Variants in PKIB observed in about 807,000 individuals in gnomAD.
PKIB encodes the protein cAMP-dependent protein kinase inhibitor beta.
PKIB carries 2 observed loss-of-function variants against 4.5 expected under a neutral mutation model. That is an observed-to-expected ratio of 0.44 (90% CI 0.18 to 1.39). The LOEUF is 1.39. PKIB is among the 40% of genes most tolerant of loss of function. The pLI is 0.27. For synonymous variants in PKIB, 38 were observed against 36.0 expected (o/e 1.06, Z -0.20); for missense variants, 94 against 92.6 (o/e 1.02, Z -0.06).
chr6:122,532,750 T>C (rs950881107), intron 2 of PKIB, among the ~76,000 whole-genome samples: 3 of 152,200 alleles, frequency 2.0e-5, no homozygotes, highest in African/African-American at 7.2e-5. Flanking sequence ...CCATATTTTG[T>C]TTATCCACCC....
At chr6:122,565,468 C>T (rs1773160654) in intron 2 of PKIB, among the ~76,000 whole-genome samples, 1 of 152,104 alleles carries the variant, frequency 6.6e-6, no homozygotes, top group Non-Finnish European at 1.5e-5. Context: ...GTTGTATTTT[C>T]TTTTGTCTTT....
chr6:122,472,514 T>C (rs372317728), intron 1 of PKIB, among the ~76,000 whole-genome samples: 1 of 152,380 alleles, frequency 6.6e-6, no homozygotes. Flanking sequence ...TAGGTGATGA[T>C]GCACATCTGC....
intron 2 of PKIB, among the ~76,000 whole-genome samples, chr6:122,518,244 A>G (rs917465934): frequency 3.9e-4 from 60 of 152,316 alleles, no homozygotes; most frequent in African/African-American, 1.3e-3. Flanking sequence ...GGTTGTACAA[A>G]TGCAGGCAGT....
chr6:122,566,031 CT>C (rs765636962), intron 2 of PKIB, among the ~76,000 whole-genome samples: 1 of 151,276 alleles, frequency 6.6e-6, no homozygotes, highest in Non-Finnish European at 1.5e-5. Flanking sequence ...TAACAGTTTA[CT>C]ACCCCCAATG....
intron 2 of PKIB, among the ~76,000 whole-genome samples, chr6:122,527,192 G>T (rs763147862): frequency 1.8e-4 from 28 of 152,234 alleles, no homozygotes; most frequent in Non-Finnish European, 3.4e-4. Flanking sequence ...TTAAGGGAGT[G>T]TTCTGGCTTG....
chr6:122,613,974 A>G (rs1774877195), intron 1 of PKIB, among the ~76,000 whole-genome samples: 2 of 151,694 alleles, frequency 1.3e-5, no homozygotes, highest in Non-Finnish European at 2.9e-5. Flanking sequence ...AAAAAAAAAA[A>G]AAAAAAGAAT....
intron 2 of PKIB, among the ~76,000 whole-genome samples, chr6:122,668,578 T>C (rs1307527170): frequency 1.3e-5 from 2 of 152,148 alleles, no homozygotes; most frequent in African/African-American, 4.8e-5. Context: ...CAATATGAAG[T>C]GGACAGTGGA....
At chr6:122,516,067 A>T (rs1679529107) in intron 2 of PKIB, among the ~76,000 whole-genome samples, 2 of 152,190 alleles carry the variant, frequency 1.3e-5, no homozygotes, top group Admixed American at 6.5e-5. Flanking sequence ...TGTCAGCTAA[A>T]AAAGCTATAA....
intron 1 of PKIB, among the ~76,000 whole-genome samples, chr6:122,477,384 G>T (rs1481680766): frequency 2.0e-5 from 3 of 152,022 alleles, no homozygotes; most frequent in East Asian, 3.9e-4. Flanking sequence ...TTTGCTTTAG[G>T]TATTGAACCT....
At chr6:122,652,325 TGTGTGTGTGGAG>T (rs1471833371) in intron 2 of PKIB, among the ~76,000 whole-genome samples, 8 of 102,018 alleles carry the variant, frequency 7.8e-5, no homozygotes, top group Non-Finnish European at 1.6e-4. Context: ...TGTGTGTGTG[TGTGTGTGTGGAG>T]AGAGAGAGAT....
At position 122,556,956 on chromosome 6, in the gene PKIB, G is replaced by A. The variant is rs1275657363; in HGVS notation, c.-247-28965G>A. On this transcript the variant is annotated intron_variant, in intron 2 of 6. Transcript: ENST00000392491. ...CAGCCGGGCGTGGTGGCTTACGCCT[G>A]TAATCCCAGCACTTTGGGAGGCTGA... 4.6e-5 allele frequency among the ~76,000 whole-genome samples: 7 copies of A among 152,336 alleles called. No homozygotes were observed. The South Asian group carries it at 1.4e-3, about 32-fold the overall frequency.
chr6:122,650,452 A>G (rs903612532), intron 2 of PKIB, among the ~76,000 whole-genome samples: 4 of 152,230 alleles, frequency 2.6e-5, no homozygotes, highest in Admixed American at 2.0e-4. Context: ...ATACAGATTA[A>G]GAATTTAGTA....
intron 3 of PKIB, among the ~76,000 whole-genome samples, chr6:122,699,048 G>A (rs1193932747): frequency 6.6e-6 from 1 of 152,070 alleles, no homozygotes; most frequent in Non-Finnish European, 1.5e-5. Context: ...TGTCATCAAT[G>A]TAATATACCT....
Position 122,717,813 on chromosome 6 carries a change from A to G in PKIB, c.19A>G (p.Lys7Glu). MRTDSS[K>E]MTDVESGVAN... ...TGTTGCTATGAGGACAGATTCATCAAAAATGACTGACGTGGAGTCTGGGGT... is the reference window on the plus strand; with the variant it reads ...TGTTGCTATGAGGACAGATTCATCAGAAATGACTGACGTGGAGTCTGGGGT... The change falls in exon 4 of 5, where the codon AAA becomes GAA. Residue 7 changes from lysine to glutamate, a missense_variant. Transcript: ENST00000368452. 5 of 1,614,122 alleles carry G rather than the reference A, an allele frequency of 3.1e-6. No homozygotes were observed. Among genetic ancestry groups the G allele is most frequent in the Non-Finnish European group, 4.2e-6 (5 of 1,179,984 alleles).
chr6:122,664,612 A>G (rs932041144), intron 2 of PKIB, among the ~76,000 whole-genome samples: 4 of 151,966 alleles, frequency 2.6e-5, no homozygotes, highest in Non-Finnish European at 4.4e-5. Context: ...AAGTCTCACT[A>G]TGTTGCAGGA....
intron 1 of PKIB, among the ~76,000 whole-genome samples, chr6:122,632,100 G>C (rs2116058): frequency 0.36 from 54,264 of 151,928 alleles, 10,500 homozygotes; most frequent in South Asian, 0.63. Flanking sequence ...AGCTATGGCT[G>C]GGGAGAGTTG....
intron 2 of PKIB, among the ~76,000 whole-genome samples, chr6:122,645,696 A>T (rs1776281833): frequency 6.6e-6 from 1 of 152,198 alleles, no homozygotes; most frequent in African/African-American, 2.4e-5. Context: ...AGTGAACTAC[A>T]TAGGGCATTA....
intron 2 of PKIB, among the ~76,000 whole-genome samples, chr6:122,667,091 T>C (rs1026981837): frequency 3.9e-5 from 6 of 152,258 alleles, no homozygotes; most frequent in African/African-American, 1.2e-4. Context: ...ATAGTTTTCA[T>C]TGGCCTTCTT....
rs1401106406 is a variant in PKIB, at chr6:122,538,660, A to G, written c.-247-47261A>G. ...TGGCTTAGGATTGACTTGGCAATGC[A>G]GGCTCTTTTTTGGTTCCATATGAAC... On this transcript the variant is annotated intron_variant, in intron 2 of 6. Coordinates refer to the PKIB transcript ENST00000392491. 3.3e-5 allele frequency among the ~76,000 whole-genome samples: 5 copies of G among 152,126 alleles called. No homozygotes were observed. The South Asian group carries it at 6.2e-4, about 19-fold the overall frequency.
Sources: gnomAD v4.1 joint callset for allele counts (sites outside exome capture counted in the v4.1 genomes callset) on GRCh38, gnomAD v4.1.1 for gene constraint, MANE v1.5 for transcripts, NCBI Gene and HGNC (gene_info 2026-07-23, HGNC 2026-07-21) for gene names.